GPR149: variants seen among roughly 807,000 people sequenced by gnomAD.
The protein encoded by GPR149 is probable G protein-coupled receptor 149.
Under a neutral mutation model 50.2 loss-of-function variants are expected in GPR149, and 50 were observed. That is an observed-to-expected ratio of 1.00 (90% CI 0.79 to 1.26). GPR149 has a LOEUF of 1.26. Ranked by LOEUF, GPR149 falls within the 50% of genes most tolerant of loss-of-function variation. GPR149 has a pLI of 0.00. For synonymous variants in GPR149, 405 were observed against 358.2 expected (o/e 1.13, Z -1.48); for missense variants, 983 against 895.4 (o/e 1.10, Z -1.25).
At chr3:154,412,785 C>T (rs1046505271) in intron 3 of GPR149, among the ~76,000 whole-genome samples, 1 of 152,030 alleles carries the variant, frequency 6.6e-6, no homozygotes, top group Non-Finnish European at 1.5e-5. Flanking sequence ...CATTCCTTCA[C>T]AGAACTAGAA....
At chr3:154,360,475 G>A (rs1358751454) in intron 3 of GPR149, among the ~76,000 whole-genome samples, 1 of 152,146 alleles carries the variant, frequency 6.6e-6, no homozygotes, top group Non-Finnish European at 1.5e-5. Context: ...ATGAAGGTGT[G>A]TATTACGATT....
chr3:154,366,062 T>C (rs1714524379), intron 3 of GPR149, among the ~76,000 whole-genome samples: 1 of 152,192 alleles, frequency 6.6e-6, no homozygotes, highest in South Asian at 2.1e-4. Flanking sequence ...TTACTTATGG[T>C]ACCAATCTGT....
Position 154,421,070 on chromosome 3 carries a change from C to T in GPR149, c.1592G>A (p.Cys531Tyr). Residue 531 changes from cysteine to tyrosine, a missense_variant, in exon 3 of 4, where the codon TGT (cysteine) becomes TAT (tyrosine). Coordinates refer to ENST00000389740, the MANE Select transcript of GPR149 (RefSeq NM_001038705.3). ...AGGGGTTCTTTCTGATTTACTCCTACACCACTCCCAGTCTGAAAGATCTGG... is the reference window on the plus strand; with the variant it reads ...AGGGGTTCTTTCTGATTTACTCCTATACCACTCCCAGTCTGAAAGATCTGG... Reference protein sequence around the residue: ...QKPDLSDWEWCRSKSERTPRQ... With the variant: ...QKPDLSDWEWYRSKSERTPRQ... 6 of 1,612,376 alleles carry T rather than the reference C, an allele frequency of 3.7e-6. No homozygotes were observed. Among genetic ancestry groups the T allele is most frequent in the East Asian group, 2.2e-5 (1 of 44,868 alleles).
chr3:154,360,482 G>A (rs1714352777), intron 3 of GPR149, among the ~76,000 whole-genome samples: 1 of 152,086 alleles, frequency 6.6e-6, no homozygotes, highest in Non-Finnish European at 1.5e-5. Flanking sequence ...TGTGTATTAC[G>A]ATTATCCCCA....
chr3:154,381,686 G>C (rs1046813596), intron 3 of GPR149, among the ~76,000 whole-genome samples: 1 of 152,044 alleles, frequency 6.6e-6, no homozygotes, highest in African/African-American at 2.4e-5. Flanking sequence ...AAAGACTTTA[G>C]GATGTTTGGT....
intron 3 of GPR149, among the ~76,000 whole-genome samples, chr3:154,358,417 T>C (rs1332510398): frequency 1.3e-5 from 2 of 152,112 alleles, no homozygotes; most frequent in Admixed American, 1.3e-4. Flanking sequence ...TCACTTTTTT[T>C]CCTTGAAAAA....
chr3:154,370,570 A>C (rs548396622), intron 3 of GPR149, among the ~76,000 whole-genome samples: 1 of 152,234 alleles, frequency 6.6e-6, no homozygotes, highest in South Asian at 2.1e-4. Flanking sequence ...CAGAGGATGA[A>C]GGCCCTCTGG....
At chr3:154,392,393 CA>C (rs1181264269) in intron 3 of GPR149, among the ~76,000 whole-genome samples, 4 of 151,302 alleles carry the variant, frequency 2.6e-5, no homozygotes, top group African/African-American at 9.7e-5. Flanking sequence ...AAAACCCAAA[CA>C]AAAAAACCCC....
intron 3 of GPR149, among the ~76,000 whole-genome samples, chr3:154,419,888 T>C (rs1368924780): frequency 6.6e-6 from 1 of 152,084 alleles, no homozygotes; most frequent in African/African-American, 2.4e-5. Flanking sequence ...CCTTTTACTG[T>C]ACTATTTAAT....
intron 3 of GPR149, among the ~76,000 whole-genome samples, chr3:154,420,480 G>C (rs567596437): frequency 6.6e-6 from 1 of 151,878 alleles, no homozygotes; most frequent in African/African-American, 2.4e-5. Context: ...TGGAACATTC[G>C]TAAGGGCTTG....
intron 3 of GPR149, among the ~76,000 whole-genome samples, chr3:154,379,523 G>T (rs1337559631): frequency 3.9e-5 from 6 of 152,022 alleles, no homozygotes; most frequent in Admixed American, 6.6e-5. Context: ...TCCTAATGCA[G>T]GGTCACAGTA....
At chr3:154,339,069 A>G (rs1005661546) in intron 3 of GPR149, among the ~76,000 whole-genome samples, 17 of 152,162 alleles carry the variant, frequency 1.1e-4, no homozygotes, top group African/African-American at 4.1e-4. Context: ...CATACTTTCA[A>G]CTGACATGTT....
intron 3 of GPR149, among the ~76,000 whole-genome samples, chr3:154,410,913 C>T (rs749934753): frequency 6.3e-4 from 96 of 152,208 alleles, no homozygotes; most frequent in Non-Finnish European, 1.2e-3. Context: ...GTACATGGAA[C>T]GTTCTCCAAA....
intron 3 of GPR149, chr3:154,353,273 C>G: frequency 6.9e-7 from 1 of 1,442,308 alleles, no homozygotes; most frequent in Non-Finnish European, 9.8e-7. Flanking sequence ...CCTTTTGAGT[C>G]ATTTATCCAA....
At chr3:154,414,338 G>T (rs1446922033) in intron 3 of GPR149, among the ~76,000 whole-genome samples, 1 of 151,852 alleles carries the variant, frequency 6.6e-6, no homozygotes, top group Non-Finnish European at 1.5e-5. Context: ...AATAAAATGT[G>T]TTTATGTGCA....
intron 2 of GPR149, among the ~76,000 whole-genome samples, chr3:154,424,079 G>T (rs1016820511): frequency 5.9e-5 from 9 of 151,806 alleles, no homozygotes; most frequent in Non-Finnish European, 8.9e-5. Flanking sequence ...GGGTTGTGTT[G>T]TCAATAATTC....
At chr3:154,359,856 T>C (rs754631158) in intron 3 of GPR149, among the ~76,000 whole-genome samples, 28 of 152,152 alleles carry the variant, frequency 1.8e-4, no homozygotes, top group Admixed American at 9.2e-4. Context: ...AAGAAAAATA[T>C]GATGATTTTA....
At chr3:154,362,767 A>G (rs1187234803) in intron 3 of GPR149, among the ~76,000 whole-genome samples, 1 of 152,102 alleles carries the variant, frequency 6.6e-6, no homozygotes, top group Non-Finnish European at 1.5e-5. Context: ...ATAAATATTC[A>G]TTTTTGTATC....
intron 3 of GPR149, among the ~76,000 whole-genome samples, chr3:154,408,323 C>T (rs1306883777): frequency 6.6e-6 from 1 of 152,174 alleles, no homozygotes; most frequent in Non-Finnish European, 1.5e-5. Context: ...CCAAAAGAAT[C>T]CACAGACCCA....
Sources: gnomAD v4.1 joint callset for allele counts (sites outside exome capture counted in the v4.1 genomes callset) on GRCh38, gnomAD v4.1.1 for gene constraint, MANE v1.5 for transcripts, NCBI Gene and HGNC (gene_info 2026-07-23, HGNC 2026-07-21) for gene names.